The following EML6 variants were observed in gnomAD, a reference collection of about 807,000 sequenced individuals.
EML6 encodes echinoderm microtubule-associated protein-like 6.
In EML6, 154 loss-of-function variants were observed where a neutral mutation model predicts 240.1. The observed-to-expected ratio is 0.64, with a 90% CI of 0.56 to 0.73. The LOEUF is 0.73. Ranked by LOEUF, EML6 falls within the 30% of genes least tolerant of loss-of-function variation. EML6 has a pLI of 0.00. For missense variants in EML6, 2,964 were observed against 2,474.6 expected (o/e 1.20, Z -4.20); for synonymous variants, 1,148 against 899.0 (o/e 1.28, Z -4.95).
At chr2:54,838,094 A>G (rs1669246815) in intron 7 of EML6, among the ~76,000 whole-genome samples, 1 of 152,216 alleles carries the variant, frequency 6.6e-6, no homozygotes, top group Non-Finnish European at 1.5e-5. Flanking sequence ...GATCAAAATT[A>G]TAATAGCAAA....
At chr2:54,892,750 A>T (rs957031971) in intron 19 of EML6, 94 bp downstream of exon 19, 43 of 895,252 alleles carry the variant, frequency 4.8e-5, no homozygotes, top group Non-Finnish European at 7.0e-5. Flanking sequence ...TGTATCTAAA[A>T]CAGGCCTGTC....
At chr2:54,968,563 G>C in intron 40 of EML6, 105 bp from the exon 41 acceptor site, 4 of 753,572 alleles carry the variant, frequency 5.3e-6, no homozygotes, top group South Asian at 1.7e-5. Flanking sequence ...GAAGTCCCCA[G>C]TGAAGGAAGG....
At chr2:54,771,669 C>G (rs979142710) in intron 2 of EML6, among the ~76,000 whole-genome samples, 6 of 152,242 alleles carry the variant, frequency 3.9e-5, no homozygotes, top group African/African-American at 1.2e-4. Context: ...TGTGAACACA[C>G]GCAGACACAT....
At chr2:54,942,064 G>T (rs1675458405) in intron 28 of EML6, among the ~76,000 whole-genome samples, 1 of 152,136 alleles carries the variant, frequency 6.6e-6, no homozygotes. Flanking sequence ...TTTCATAAAT[G>T]ATTTTCTTTA....
chr2:54,773,230 C>G lies in EML6; in HGVS notation c.198-40002C>G, dbSNP rs542523985. Among the ~76,000 whole-genome samples, 168 of 152,320 alleles carry G rather than the reference C, an allele frequency of 1.1e-3. No homozygotes were observed. The Middle Eastern group carries it at 0.014, about 12-fold the overall frequency. On this transcript the variant is annotated intron_variant, in intron 2 of 41. Transcript: ENST00000356458. The stretch of plus-strand genomic sequence containing the variant: ...AGAGATATTTTCTCTTGGAAGTAAC[C>G]AGAGCTACACTAAGTGACCTCAGTC...
intron 16 of EML6, among the ~76,000 whole-genome samples, chr2:54,876,652 C>G (rs1023962735): frequency 6.6e-6 from 1 of 152,174 alleles, no homozygotes; most frequent in Non-Finnish European, 1.5e-5. Context: ...TGCAACAAGA[C>G]ATTGAATATT....
At chr2:54,930,747 G>C (rs1290647290) in intron 28 of EML6, among the ~76,000 whole-genome samples, 1 of 152,112 alleles carries the variant, frequency 6.6e-6, no homozygotes, top group Non-Finnish European at 1.5e-5. Context: ...GCTGGAACTA[G>C]AGCACACACT....
At chr2:54,913,340 C>T (rs1037941544) in intron 25 of EML6, among the ~76,000 whole-genome samples, 2 of 151,494 alleles carry the variant, frequency 1.3e-5, no homozygotes, top group African/African-American at 2.4e-5. Flanking sequence ...CTTGACTTGC[C>T]GGGCTTAGGT....
chr2:54,858,539 T>G (rs111478603), intron 11 of EML6, among the ~76,000 whole-genome samples: 180 of 152,308 alleles, frequency 1.2e-3, no homozygotes, highest in African/African-American at 4.2e-3. Context: ...CCAGTTTGAC[T>G]TTATTACGAA....
intron 26 of EML6, among the ~76,000 whole-genome samples, chr2:54,924,274 A>G (rs1177110806): frequency 6.6e-6 from 1 of 152,204 alleles, no homozygotes; most frequent in African/African-American, 2.4e-5. Flanking sequence ...TGTCAGATGC[A>G]TAAAATTCAG....
intron 14 of EML6, chr2:54,867,321 C>G (rs1191157445): frequency 6.5e-6 from 1 of 153,174 alleles, no homozygotes; most frequent in African/African-American, 2.4e-5. Flanking sequence ...TTATATGCAC[C>G]CTTGCATATT....
At chr2:54,747,933 C>T (rs1051940440) in intron 2 of EML6, among the ~76,000 whole-genome samples, 1 of 152,088 alleles carries the variant, frequency 6.6e-6, no homozygotes, top group Non-Finnish European at 1.5e-5. Context: ...GATTACAGAA[C>T]TGAGTCATTA....
At chr2:54,912,451 G>T (rs1457589749) in intron 25 of EML6, among the ~76,000 whole-genome samples, 1 of 152,108 alleles carries the variant, frequency 6.6e-6, no homozygotes, top group Non-Finnish European at 1.5e-5. Flanking sequence ...TACATGCATA[G>T]GTTTGTTTCA....
In EML6 at chr2:54,774,648, A is replaced by G. The variant is rs990183525; in HGVS notation, c.198-38584A>G. Among the ~76,000 whole-genome samples the G allele has an allele frequency of 3.9e-5, 6 of 152,236 alleles. No homozygotes were observed. Among genetic ancestry groups the G allele is most frequent in the South Asian group, 4.1e-4 (2 of 4,830 alleles). ...GGACCTGGCTTATGGTAAGCATCCA[A>G]TCTATCTTAGATGTGGTATTAGCAT... On this transcript the variant is annotated intron_variant, in intron 2 of 41. Transcript: ENST00000356458. This position sits in a 1 kb window ranked among gnomAD's most constrained non-coding sequence, Gnocchi z 4.1.
At chr2:54,727,548 G>A (rs1407061374) in intron 2 of EML6, among the ~76,000 whole-genome samples, 6 of 152,138 alleles carry the variant, frequency 3.9e-5, no homozygotes, top group Non-Finnish European at 7.4e-5. Context: ...ATTTTAATTC[G>A]TTTCTGTGTA....
intron 2 of EML6, among the ~76,000 whole-genome samples, chr2:54,776,219 G>C (rs1668593431): frequency 6.6e-6 from 1 of 152,062 alleles, no homozygotes; most frequent in Non-Finnish European, 1.5e-5. Flanking sequence ...TGGAAAAGGA[G>C]GAGGAGAAAG....
intron 17 of EML6, among the ~76,000 whole-genome samples, chr2:54,884,134 T>G (rs1671991502): frequency 2.0e-5 from 3 of 152,178 alleles, no homozygotes. Context: ...GGGCTCAGTT[T>G]CTGAGACCGT....
Position 54,850,094 on chromosome 2 carries a change from G to A in EML6, c.1320G>A (p.Arg440=), listed in dbSNP as rs1165375411. The change falls in exon 10 of 42, where the codon AGG becomes AGA. Residue 440 remains arginine (R), a synonymous_variant. Coordinates refer to ENST00000356458, the MANE Select transcript of EML6 (RefSeq NM_001039753.4). ...TAGATGTCTATGCTGTTGCCCAGAG[G>A]TATAAGAAAATTGGAGAATGCAGCA... ...GPVDVYAVAQ[R]YKKIGECSKS... 2 of 1,551,980 alleles carry A rather than the reference G, an allele frequency of 1.3e-6. No homozygotes were observed.
chr2:54,883,770 C>G (rs1489896815), intron 17 of EML6, among the ~76,000 whole-genome samples: 1 of 152,212 alleles, frequency 6.6e-6, no homozygotes, highest in African/African-American at 2.4e-5. Context: ...AACTTCCCTA[C>G]AAGTTTAACA....
Sources: gnomAD v4.1 joint callset for allele counts (sites outside exome capture counted in the v4.1 genomes callset) on GRCh38, gnomAD v4.1.1 for gene constraint, Gnocchi (gnomAD v3.1) non-coding constraint, MANE v1.5 for transcripts, NCBI Gene and HGNC (gene_info 2026-07-23, HGNC 2026-07-21) for gene names.